The following XPO5 variants were observed in gnomAD, a reference collection of about 807,000 sequenced individuals.
XPO5 encodes the protein exportin-5.
Under a neutral mutation model 160.6 loss-of-function variants are expected in XPO5, and 46 were observed. The observed-to-expected ratio is 0.29, with a 90% confidence interval of 0.23 to 0.37. The LOEUF is 0.37. Among genes scored for constraint, XPO5 ranks in the 10% least tolerant of loss-of-function variants. The probability of loss-of-function intolerance (pLI) is 1.00; values close to 1 mark genes in which losing one functional copy is unlikely to be tolerated. For missense variants in XPO5, 1,090 were observed against 1,463.9 expected (o/e 0.74, Z 4.17); for synonymous variants, 537 against 519.3 (o/e 1.03, Z -0.46).
rs747797832 is a variant in XPO5 at position 43,531,159 on chromosome 6, G to A, written c.2540+320C>T. ...GTATCCAGCCACCCGACTCCTATGAGAAGTATGCCGCAAGCAGTGTAGGGT... is the reference window on the plus strand; with the variant it reads ...GTATCCAGCCACCCGACTCCTATGAAAAGTATGCCGCAAGCAGTGTAGGGT... On this transcript the variant is annotated intron_variant, in intron 22 of 31. Coordinates refer to ENST00000265351, the MANE Select transcript of XPO5 (RefSeq NM_020750.3). Among the ~76,000 whole-genome samples, 9 of 152,198 alleles carry A rather than the reference G, an allele frequency of 5.9e-5. 1 individual carries two copies. Among genetic ancestry groups the A allele is most frequent in the Admixed American group, 4.6e-4 (7 of 15,276 alleles).
rs368899288 is a variant in XPO5 at position 43,575,590 on chromosome 6, G to A, written c.105+170C>T. On this transcript the variant is annotated intron_variant, in intron 1 of 31. Transcript: ENST00000265351. ...GACAGGAGCGGCGAGTAGAGAAGGC[G>A]GCGATTTGGGAGAGGCGCGGAGGGC... 5.9e-5 allele frequency among the ~76,000 whole-genome samples: 9 copies of A among 152,360 alleles called. No individual in the cohort carries two copies. In the East Asian group the frequency reaches 1.2e-3, roughly 20 times the overall value.
intron 2 of XPO5, among the ~76,000 whole-genome samples, chr6:43,573,057 C>A (rs1422530050): frequency 6.6e-6 from 1 of 152,188 alleles, no homozygotes; most frequent in Non-Finnish European, 1.5e-5. Flanking sequence ...CAGTTATTCT[C>A]ATACAATCCT....
chr6:43,575,960 G>C lies in XPO5; in HGVS notation c.-96C>G. On this transcript the variant is annotated 5_prime_UTR_variant, in exon 1 of 32. Coordinates refer to ENST00000265351, the MANE Select transcript of XPO5 (RefSeq NM_020750.3). The stretch of plus-strand genomic sequence containing the variant: ...CGAGACCACCCGTTGGTACCGGGCC[G>C]CGGCGGGCGGCGGGGGTGGGAAGCT... 8.2e-7 allele frequency: 1 copy of C among 1,215,170 alleles called. No individual in the cohort carries two copies. The highest frequency in any genetic ancestry group is 1.2e-6 in the Non-Finnish European group (1 of 855,210). 75.3% of individuals were successfully genotyped at this position (1,215,170 alleles called of 1,614,324 possible).
At chr6:43,557,351 G>A (rs921491746) in intron 12 of XPO5, among the ~76,000 whole-genome samples, 5 of 143,634 alleles carry the variant, frequency 3.5e-5, no homozygotes, top group Non-Finnish European at 6.1e-5. Flanking sequence ...GCTTGAATCC[G>A]GGAGGCAGAG....
intron 2 of XPO5, 76 bp from the exon 3 acceptor site, chr6:43,572,654 T>C (rs1763069512): frequency 8.0e-6 from 11 of 1,367,528 alleles, no homozygotes. Flanking sequence ...CATGGATTTC[T>C]ACATTTGATT....
At position 43,549,473 on chromosome 6, in the gene XPO5, G is replaced by A. The variant is rs748262807; in HGVS notation, c.1860+16C>T. ...TAACCAAACTTGGCTACTTCAGCCA[G>A]GGTCCAGCAGCTTACCAGCACAAGC... On this transcript the variant is annotated intron_variant, in intron 17 of 31. Transcript: ENST00000265351. 7 of 1,586,560 alleles carry A rather than the reference G, an allele frequency of 4.4e-6. No homozygotes were observed. The African/African-American group carries it at 5.5e-5, about 12-fold the overall frequency.
chr6:43,564,644 C>T (rs1332721066), intron 8 of XPO5, among the ~76,000 whole-genome samples: 2 of 152,102 alleles, frequency 1.3e-5, no homozygotes, highest in Non-Finnish European at 2.9e-5. Flanking sequence ...AGTCTGTTGC[C>T]CAGGCTGGAG....
In XPO5 at chr6:43,522,463, CAATA is replaced by C. The variant is rs1204138313; in HGVS notation, c.*1401_*1404del. The stretch of plus-strand genomic sequence containing the variant: ...ACAGGATGTTAAAAATATTACAATG[CAATA>C]AATACAACTACATCCTCCACAGCCC... On this transcript the variant is annotated 3_prime_UTR_variant, in exon 32 of 32. Transcript: ENST00000265351. The C allele has an allele frequency of 6.0e-6, 1 of 166,302 alleles. No homozygotes were observed. The highest frequency in any genetic ancestry group is 1.3e-5 in the Non-Finnish European group (1 of 74,908). The allele number at this position is 166,302 out of a possible 1,614,324, so 10.3% of individuals were successfully genotyped here.
In XPO5 at chr6:43,553,386, G is replaced by A; in HGVS notation, c.1559C>T (p.Thr520Ile). The change falls in exon 14 of 32, where the codon ACA (threonine) becomes ATA (isoleucine). Residue 520 changes from threonine to isoleucine, a missense_variant. Thr to Ile is a moderately conservative substitution (Grantham distance 89, BLOSUM62 -1). Around this residue, in one of 3 missense-constraint regions of XPO5, gnomAD observed 810 missense variants for 1,139.0 expected, o/e 0.71. Coordinates refer to ENST00000265351, the MANE Select transcript of XPO5 (RefSeq NM_020750.3). ...LESVITQMFR[T>I]LNREEIPVND... The stretch of plus-strand genomic sequence containing the variant: ...ATAATTACTTACTTCTCTATTTAGT[G>A]TTCGAAACATCTGGGTGATAACACT... The A allele has an allele frequency of 6.2e-7, 1 of 1,608,632 alleles. No individual in the cohort carries two copies. The highest frequency in any genetic ancestry group is 8.5e-7 in the Non-Finnish European group (1 of 1,177,416).
At chr6:43,529,013 C>A in intron 23 of XPO5, 88 bp from the exon 24 acceptor site, 1 of 1,287,608 alleles carries the variant, frequency 7.8e-7, no homozygotes, top group Non-Finnish European at 1.1e-6. Flanking sequence ...CAGAATCAAT[C>A]CCTAAAGGAT....
chr6:43,540,396 G>A (rs1173418519), intron 20 of XPO5, among the ~76,000 whole-genome samples: 1 of 152,102 alleles, frequency 6.6e-6, no homozygotes, highest in Non-Finnish European at 1.5e-5. Context: ...GGAGAATGCC[G>A]TGAACCTGGG....
chr6:43,555,777 T>G, intron 13 of XPO5, 59 bp downstream of exon 13: 1 of 1,602,392 alleles, frequency 6.2e-7, no homozygotes, highest in East Asian at 2.2e-5. Context: ...TCATTTCCTA[T>G]ATATAGTTTT....
In XPO5 at chr6:43,568,722, G is replaced by C. The variant is rs763409104; in HGVS notation, c.637C>G (p.Gln213Glu). 2 of 1,578,340 alleles carry C rather than the reference G, an allele frequency of 1.3e-6. No individual in the cohort carries two copies. Among genetic ancestry groups the C allele is most frequent in the Non-Finnish European group, 1.7e-6 (2 of 1,160,122 alleles). ...TAAAGAGCTCTTACCTTTGACTCCTGAGAAGTATCTGTCTTCTGAAAGGAA... is the reference window on the plus strand; with the variant it reads ...TAAAGAGCTCTTACCTTTGACTCCTCAGAAGTATCTGTCTTCTGAAAGGAA... ...KYQQVKTDTS[Q>E]ESKAQANCRV... The change falls in exon 6 of 32, where the codon CAG becomes GAG. Residue 213 changes from glutamine to glutamate, a missense_variant. By Grantham distance (29) the Gln-to-Glu change is conservative (BLOSUM62 2). This residue lies in a region of XPO5 where 110 missense variants were observed against 97.9 expected (regional missense o/e 1.12). Coordinates refer to ENST00000265351, the MANE Select transcript of XPO5 (RefSeq NM_020750.3).
At chr6:43,575,726 C>T (rs1486582265) in intron 1 of XPO5, 34 bp downstream of exon 1, 9 of 1,580,262 alleles carry the variant, frequency 5.7e-6, no homozygotes, top group East Asian at 4.7e-5. Context: ...GAGAGGGTGT[C>T]GGGACCGGCC....
chr6:43,539,123 C>T (rs539196130), intron 20 of XPO5: 64 of 1,211,038 alleles, frequency 5.3e-5, no homozygotes, highest in South Asian at 7.5e-5. Context: ...AGGGATGAGG[C>T]GCACCAGCAC....
intron 1 of XPO5, 115 bp from the exon 2 acceptor site, chr6:43,573,716 GC>G: frequency 1.5e-6 from 2 of 1,301,894 alleles, no homozygotes; most frequent in Non-Finnish European, 2.0e-6. Flanking sequence ...ACCTGTCCCA[GC>G]ACTCTGGGAG....
At chr6:43,540,699 C>G (rs1239988090) in intron 20 of XPO5, among the ~76,000 whole-genome samples, 5 of 152,078 alleles carry the variant, frequency 3.3e-5, no homozygotes, top group Non-Finnish European at 7.4e-5. Context: ...GCTACGTTGC[C>G]CAGGCTGGTC....
intron 31 of XPO5, 126 bp from the exon 32 acceptor site, chr6:43,524,131 C>T: frequency 7.3e-7 from 1 of 1,365,866 alleles, no homozygotes; most frequent in Non-Finnish European, 9.8e-7. Context: ...GCGGGTGGAT[C>T]ACCTGAGGTC....
intron 28 of XPO5, 95 bp from the exon 29 acceptor site, chr6:43,525,309 TC>T (rs1793503566): frequency 6.1e-6 from 7 of 1,153,422 alleles, no homozygotes; most frequent in East Asian, 5.2e-5. Context: ...TTTTTTTTTT[TC>T]CTCCCCCCCT....
Sources: allele counts gnomAD v4.1 joint callset (sites outside exome capture counted in the v4.1 genomes callset), GRCh38; gene constraint gnomAD v4.1.1; regional missense constraint gnomAD v4.1.1; transcripts MANE v1.5; gene names NCBI Gene and HGNC (gene_info 2026-07-23, HGNC 2026-07-21).